VIP: variants seen among roughly 807,000 people sequenced by gnomAD.
VIP encodes VIP peptides.
Under a neutral mutation model 20.1 loss-of-function variants are expected in VIP, and 18 were observed. That is an observed-to-expected ratio of 0.90 (90% CI 0.62 to 1.33). The LOEUF (loss-of-function observed/expected upper bound fraction) is 1.33. Ranked by LOEUF, VIP falls within the 40% of genes most tolerant of loss-of-function variation. VIP has a pLI of 0.00. For synonymous variants in VIP, 70 were observed against 68.1 expected (o/e 1.03, Z -0.14); for missense variants, 209 against 199.4 (o/e 1.05, Z -0.29).
chr6:152,751,692 A>G, intron 1 of VIP, among the ~76,000 whole-genome samples: 1 of 152,292 alleles, frequency 6.6e-6, no homozygotes, highest in Middle Eastern at 3.4e-3. Context: ...TTATATGTAT[A>G]TATACACATT....
In VIP at chr6:152,759,310, A is replaced by C. The variant is rs2099730881; in HGVS notation, c.*444A>C. On this transcript the variant is annotated 3_prime_UTR_variant, in exon 7 of 7. Transcript: ENST00000367244. The stretch of plus-strand genomic sequence containing the variant: ...ATCAGTGTGTCTAAATTTGAATGTT[A>C]AGCAGATGGAATGCTGTGTTAAATA... The C allele has an allele frequency of 6.6e-6, 1 of 152,040 alleles. No homozygotes were observed. Among genetic ancestry groups the C allele is most frequent in the Non-Finnish European group, 1.5e-5 (1 of 67,964 alleles). 9.4% of individuals were successfully genotyped at this position (152,040 alleles called of 1,614,324 possible). A position where few individuals can be genotyped will look rare whatever the true frequency, so the allele number is the denominator to read the frequency against.
In VIP at chr6:152,757,525, T is replaced by C. The variant is rs370664732; in HGVS notation, c.*43+341T>C. On this transcript the variant is annotated intron_variant, in intron 6 of 6. Coordinates refer to ENST00000367244, the MANE Select transcript of VIP (RefSeq NM_003381.4). Reference sequence around the variant, plus strand: ...CTGACAAGAAAAATGGGCTTTCCTTTTGAGGATCGACCCATGCTGCTTTTA... The same window carrying C: ...CTGACAAGAAAAATGGGCTTTCCTTCTGAGGATCGACCCATGCTGCTTTTA... 1.2e-4 allele frequency among the ~76,000 whole-genome samples: 19 copies of C among 152,040 alleles called. No individual in the cohort carries two copies. In the East Asian group the frequency reaches 2.3e-3, roughly 19 times the overall value.
chr6:152,751,565 G>A lies in VIP; in HGVS notation c.-10-603G>A, dbSNP rs189733978. On this transcript the variant is annotated intron_variant, in intron 1 of 6. Coordinates refer to ENST00000367244, the MANE Select transcript of VIP (RefSeq NM_003381.4). ...AACATATGATTCAGTAATATTTTGA[G>A]TATTAATATTCACTACTGAGTTAAG... is the stretch of plus-strand genomic sequence containing the variant. 3.3e-5 allele frequency among the ~76,000 whole-genome samples: 5 copies of A among 152,142 alleles called. 1 individual carries two copies. In the East Asian group the frequency reaches 9.6e-4, roughly 29 times the overall value.
chr6:152,757,000 G>T, intron 5 of VIP, 96 bp from the exon 6 acceptor site: 2 of 1,187,192 alleles, frequency 1.7e-6, no homozygotes, highest in Non-Finnish European at 2.4e-6. Flanking sequence ...CACTTTCAGA[G>T]CACAGAGAAC....
chr6:152,751,711 A>G (rs2099729665), intron 1 of VIP, among the ~76,000 whole-genome samples: 1 of 152,188 alleles, frequency 6.6e-6, no homozygotes, highest in Non-Finnish European at 1.5e-5. Context: ...TTATATTTAT[A>G]CATTTGCACA....
intron 2 of VIP, among the ~76,000 whole-genome samples, 172 bp downstream of exon 2, chr6:152,752,456 G>A (rs2099729788): frequency 6.6e-6 from 1 of 152,048 alleles, no homozygotes; most frequent in African/African-American, 2.4e-5. Flanking sequence ...TCTGAGTCCT[G>A]GAATTCACTT....
chr6:152,755,534 A>T (rs899450694), intron 4 of VIP, among the ~76,000 whole-genome samples, 161 bp downstream of exon 4: 8 of 151,992 alleles, frequency 5.3e-5, no homozygotes, highest in African/African-American at 1.9e-4. Context: ...AATAACATCT[A>T]TCAAGCCCAT....
At chr6:152,754,136 G>GT (rs776302468) in intron 2 of VIP, 30 bp from the exon 3 acceptor site, 45 of 1,601,834 alleles carry the variant, frequency 2.8e-5, no homozygotes, top group Non-Finnish European at 3.7e-5. Flanking sequence ...AAAAAAGAAT[G>GT]TATTATTCTC....
In VIP at chr6:152,750,836, C is replaced by T. The variant is rs1177024251; in HGVS notation, c.-134C>T. On this transcript the variant is annotated 5_prime_UTR_variant, in exon 1 of 7. Transcript: ENST00000367244. Reference sequence around the variant, plus strand: ...AGCACCAGCAGGCAGTAACAGCCAACCCTTAGCCATTGCTAAGGGCAGAGA... The same window carrying T: ...AGCACCAGCAGGCAGTAACAGCCAATCCTTAGCCATTGCTAAGGGCAGAGA... 1 of 152,238 alleles carries T rather than the reference C, an allele frequency of 6.6e-6. No individual in the cohort carries two copies. The highest frequency in any genetic ancestry group is 2.4e-5 in the African/African-American group (1 of 41,454). 9.4% of individuals were successfully genotyped at this position (152,238 alleles called of 1,614,324 possible).
chr6:152,758,076 A>T (rs1057324440), intron 6 of VIP, among the ~76,000 whole-genome samples: 1 of 152,010 alleles, frequency 6.6e-6, no homozygotes, highest in African/African-American at 2.4e-5. Context: ...ATGGTAGCAC[A>T]AAAGCAGCCA....
chr6:152,752,637 A>G (rs1258441439), intron 2 of VIP, among the ~76,000 whole-genome samples: 1 of 152,166 alleles, frequency 6.6e-6, no homozygotes, highest in Non-Finnish European at 1.5e-5. Context: ...GGTGGAAAAA[A>G]GCTGTTTAGT....
At chr6:152,753,532 GA>G (rs1309505652) in intron 2 of VIP, among the ~76,000 whole-genome samples, 2 of 151,994 alleles carry the variant, frequency 1.3e-5, no homozygotes, top group Non-Finnish European at 2.9e-5. Context: ...CATAAGATTA[GA>G]AAAAAGAAGG....
At position 152,754,270 on chromosome 6, in the gene VIP, C is replaced by G; in HGVS notation, c.212C>G (p.Pro71Arg). Residue 71 changes from proline to arginine, a missense_variant, in exon 3 of 7, where the codon CCC (proline) becomes CGC (arginine). By Grantham distance (103) the Pro-to-Arg change is moderately radical (BLOSUM62 -2). Transcript: ENST00000367244. ...AATGCATTAGCTGAAAATGACACAC[C>G]CTATTATGATGTATCCAGGTGAGTT... The part of the protein sequence containing the change: ...LQNALAENDT[P>R]YYDVSRNARH... The G allele has an allele frequency of 1.2e-6, 2 of 1,609,484 alleles. No individual in the cohort carries two copies. The highest frequency in any genetic ancestry group is 2.2e-5 in the South Asian group (2 of 90,126).
In VIP at chr6:152,756,184, T is replaced by A; in HGVS notation, c.386T>A (p.Val129Asp). The change falls in exon 5 of 7, where the codon GTC (valine) becomes GAC (aspartate). Residue 129 changes from valine to aspartate, a missense_variant. Val to Asp is a radical substitution (Grantham distance 152). Coordinates refer to ENST00000367244, the MANE Select transcript of VIP (RefSeq NM_003381.4). Reference protein sequence around the residue: ...PVPVKRHSDAVFTDNYTRLRK... With the variant: ...PVPVKRHSDADFTDNYTRLRK... The stretch of plus-strand genomic sequence containing the variant: ...CCAGTCAAACGTCACTCAGATGCAG[T>A]CTTCACTGACAACTATACCCGCCTT... The A allele has an allele frequency of 1.9e-6, 3 of 1,611,752 alleles. No individual in the cohort carries two copies. Among genetic ancestry groups the A allele is most frequent in the Non-Finnish European group, 2.5e-6 (3 of 1,178,482 alleles).
intron 3 of VIP, 104 bp from the exon 4 acceptor site, chr6:152,755,165 G>A (rs1331997658): frequency 9.4e-6 from 6 of 636,920 alleles, no homozygotes; most frequent in Admixed American, 7.3e-5. Context: ...TTAATGAGAA[G>A]CTTTCATAAT....
chr6:152,753,334 T>C lies in VIP; in HGVS notation c.108-832T>C, dbSNP rs187279954. ...CAAATCACTGAAAGATACACAAGTG[T>C]CCAGGAGCTGACACGCTCCTTGGAT... On this transcript the variant is annotated intron_variant, in intron 2 of 6. Coordinates refer to ENST00000367244, the MANE Select transcript of VIP (RefSeq NM_003381.4). 4.3e-3 allele frequency among the ~76,000 whole-genome samples: 662 copies of C among 152,236 alleles called. 4 individuals carry two copies. Among genetic ancestry groups the C allele is most frequent in the Non-Finnish European group, 7.9e-3 (540 of 67,996 alleles).
Position 152,754,125 on chromosome 6 carries a change from G to A in VIP, c.108-41G>A, listed in dbSNP as rs770220017. On this transcript the variant is annotated intron_variant, in intron 2 of 6. Transcript: ENST00000367244. ...TGCGGAACCATACACACTGTCTTCT[G>A]AAAAAAGAATGTATTATTCTCGTGT... 8.2e-6 allele frequency: 13 copies of A among 1,589,712 alleles called. No individual in the cohort carries two copies. In the Admixed American group the frequency reaches 1.0e-4, roughly 13 times the overall value.
intron 5 of VIP, among the ~76,000 whole-genome samples, chr6:152,756,813 A>G (rs576713748): frequency 2.3e-4 from 35 of 151,886 alleles, no homozygotes; most frequent in South Asian, 1.9e-3. Context: ...TTTTATTCCA[A>G]TTGTTTTTGT....
At chr6:152,758,384 A>T (rs1583999158) in intron 6 of VIP, among the ~76,000 whole-genome samples, 1 of 151,968 alleles carries the variant, frequency 6.6e-6, no homozygotes, top group East Asian at 1.9e-4. Flanking sequence ...GCCCACATCA[A>T]CTCTTTATCT....
Sources: gnomAD v4.1 joint callset for allele counts (sites outside exome capture counted in the v4.1 genomes callset) on GRCh38, gnomAD v4.1.1 for gene constraint, MANE v1.5 for transcripts, NCBI Gene and HGNC (gene_info 2026-07-23, HGNC 2026-07-21) for gene names.